The following PCDHGB1 variants were observed in gnomAD, a reference collection of about 807,000 sequenced individuals.
PCDHGB1 encodes protocadherin gamma subfamily B, 1, also known as protocadherin gamma-B1.
Under a neutral mutation model 56.6 loss-of-function variants are expected in PCDHGB1, and 34 were observed. The ratio of observed to expected loss-of-function variants is 0.60; its 90% confidence interval spans 0.46 to 0.80. PCDHGB1 has a LOEUF of 0.80. Ranked by LOEUF, PCDHGB1 falls within the 30% of genes least tolerant of loss-of-function variation. PCDHGB1 has a pLI of 0.00. For synonymous variants in PCDHGB1, 561 were observed against 505.9 expected (o/e 1.11, Z -1.46); for missense variants, 1,278 against 1,204.6 (o/e 1.06, Z -0.90).
intron 1 of PCDHGB1, chr5:141,471,417 T>A (rs1174855045): frequency 6.6e-6 from 1 of 152,190 alleles, no homozygotes; most frequent in Non-Finnish European, 1.5e-5. Flanking sequence ...GTTATGTTTT[T>A]AGCAAGGAAA....
chr5:141,360,274 G>A, intron 1 of PCDHGB1: 1 of 1,613,924 alleles, frequency 6.2e-7, no homozygotes. Flanking sequence ...AAACTCGGTC[G>A]TAGGAAACCT....
In PCDHGB1 at chr5:141,433,040, A is replaced by ACGGACT. The variant is rs753119003; in HGVS notation, c.2410-61764_2410-61759dup. The ACGGACT allele has an allele frequency of 8.1e-6, 13 of 1,614,088 alleles. No homozygotes were observed. In the African/African-American group the frequency reaches 1.7e-4, roughly 22 times the overall value. On this transcript the variant is annotated intron_variant, in intron 1 of 3. Transcript: ENST00000523390. ...CTATTCCCACGAGGTTTCCCTCACC[A>ACGGACT]CGGACTCGCGGAAGAGTCACCTGAT...
rs191804700 is a variant in PCDHGB1, at chr5:141,351,569, C to G, written c.1309C>G (p.His437Asp). Residue 437 changes from histidine (H) to aspartate (D), a missense_variant, in exon 1 of 4, where the codon CAC (histidine) becomes GAC (aspartate). Physicochemically the swap from His to Asp is moderately conservative, Grantham distance 81 (BLOSUM62 -1). Transcript: ENST00000523390. ...TTCCTCCAGGACAAGCATCACCCTG[C>G]ACATCTCCGACATCAACGACAATGC... is the stretch of plus-strand genomic sequence containing the variant. ...ALSSRTSITL[H>D]ISDINDNAPV... 1 of 1,614,062 alleles carries G rather than the reference C, an allele frequency of 6.2e-7. No individual in the cohort carries two copies. Among genetic ancestry groups the G allele is most frequent in the Non-Finnish European group, 8.5e-7 (1 of 1,179,908 alleles).
At chr5:141,398,511 C>A in intron 1 of PCDHGB1, 1 of 1,595,066 alleles carries the variant, frequency 6.3e-7, no homozygotes, top group Non-Finnish European at 8.5e-7. Flanking sequence ...ACATTAATGA[C>A]CACACGCCAA....
intron 1 of PCDHGB1, chr5:141,375,722 T>G (rs1422655230): frequency 6.2e-7 from 1 of 1,614,260 alleles, no homozygotes; most frequent in South Asian, 1.1e-5. Context: ...CAGCAACGTG[T>G]CACTGAGCCT....
At chr5:141,403,674 T>C in intron 1 of PCDHGB1, 2 of 1,613,812 alleles carry the variant, frequency 1.2e-6, no homozygotes, top group South Asian at 2.2e-5. Flanking sequence ...AATGCCCCGG[T>C]TTTTGCTCAA....
intron 1 of PCDHGB1, chr5:141,389,997 A>G (rs1278035747): frequency 3.1e-6 from 5 of 1,613,844 alleles, no homozygotes; most frequent in South Asian, 2.2e-5. Flanking sequence ...CCTCGTGGCC[A>G]TGATTCTGGC....
Position 141,432,427 on chromosome 5 carries a change from C to T in PCDHGB1, c.2410-62380C>T, listed in dbSNP as rs775150918. 2.2e-5 allele frequency: 36 copies of T among 1,614,124 alleles called. No homozygotes were observed. The highest frequency in any genetic ancestry group is 3.1e-5 in the Non-Finnish European group (36 of 1,180,044). ...TGAGCCTGTTCGTGCTGGACCAGAA[C>T]GACAATGCGCCCGAGATCCTGTACC... On this transcript the variant is annotated intron_variant, in intron 1 of 3. Transcript: ENST00000523390. This position sits in a 1 kb window ranked among gnomAD's most constrained non-coding sequence, Gnocchi z 6.0.
At chr5:141,363,856 A>G (rs1763082637) in intron 1 of PCDHGB1, among the ~76,000 whole-genome samples, 2 of 152,230 alleles carry the variant, frequency 1.3e-5, no homozygotes, top group Admixed American at 6.5e-5. Context: ...TGGACTAAAT[A>G]TAGATAAGAG....
chr5:141,352,016 A>C lies in PCDHGB1; in HGVS notation c.1756A>C (p.Lys586Gln), dbSNP rs1588492116. Reference protein sequence around the residue: ...RAAEPGYLVTKVVAVDADSGH... With the variant: ...RAAEPGYLVTQVVAVDADSGH... ...CGCAGAGCCCGGCTACCTGGTGACC[A>C]AGGTGGTGGCGGTGGACGCAGACTC... The change falls in exon 1 of 4, where the codon AAG (lysine) becomes CAG (glutamine). Residue 586 changes from lysine to glutamine, a missense_variant. Coordinates refer to ENST00000523390, the MANE Select transcript of PCDHGB1 (RefSeq NM_018922.3). 1.9e-6 allele frequency: 3 copies of C among 1,609,870 alleles called. No individual in the cohort carries two copies. Among genetic ancestry groups the C allele is most frequent in the Non-Finnish European group, 2.5e-6 (3 of 1,179,152 alleles).
rs753030509 is a variant in PCDHGB1, at chr5:141,431,672, G to A, written c.2410-63135G>A. On this transcript the variant is annotated intron_variant, in intron 1 of 3. Transcript: ENST00000523390. The surrounding 1 kb of genome is among the most constrained non-coding windows in gnomAD (Gnocchi z 4.8). ...TAATTCAGGGACAATATCAACAATA[G>A]GGGAGTTGGACCACGAGGAGTCAGG... The A allele has an allele frequency of 9.3e-6, 15 of 1,614,110 alleles. No homozygotes were observed. Among genetic ancestry groups the A allele is most frequent in the African/African-American group, 4.0e-5 (3 of 74,948 alleles).
At chr5:141,365,529 A>C (rs376283711) in intron 1 of PCDHGB1, 2 of 1,613,724 alleles carry the variant, frequency 1.2e-6, no homozygotes, top group Non-Finnish European at 1.7e-6. Context: ...TCAGTTGATA[A>C]TTACTATCAC....
At chr5:141,360,636 A>G (rs550512719) in intron 1 of PCDHGB1, 9 of 1,614,030 alleles carry the variant, frequency 5.6e-6, no homozygotes, top group Admixed American at 5.0e-5. Context: ...CTAACTCACT[A>G]CAAAGATACC....
intron 1 of PCDHGB1, chr5:141,356,801 C>A (rs369350823): frequency 6.2e-7 from 1 of 1,614,040 alleles, no homozygotes; most frequent in Non-Finnish European, 8.5e-7. Flanking sequence ...CTGATGACAG[C>A]CAGTGACAGT....
At chr5:141,360,789 A>T (rs780273649) in intron 1 of PCDHGB1, 15 of 1,613,940 alleles carry the variant, frequency 9.3e-6, no homozygotes, top group Non-Finnish European at 1.2e-5. Context: ...TGGATGGCGG[A>T]GACCCACCTC....
chr5:141,392,096 A>G (rs2092464422), intron 1 of PCDHGB1: 1 of 152,256 alleles, frequency 6.6e-6, no homozygotes, highest in Non-Finnish European at 1.5e-5. Context: ...AGAATAATTT[A>G]AAAGCAACAA....
intron 1 of PCDHGB1, chr5:141,354,990 CA>C (rs774913677): frequency 8.8e-5 from 56 of 635,190 alleles, no homozygotes; most frequent in Middle Eastern, 4.5e-4. Flanking sequence ...GTTCACCAAT[CA>C]GGGGGAAAAG....
chr5:141,353,956 G>A (rs1469286537), intron 1 of PCDHGB1, among the ~76,000 whole-genome samples: 1 of 152,184 alleles, frequency 6.6e-6, no homozygotes, highest in African/African-American at 2.4e-5. Context: ...TGAGGAATAA[G>A]CTTAAGAACT....
chr5:141,395,646 C>T (rs1174950813), intron 1 of PCDHGB1: 2 of 167,832 alleles, frequency 1.2e-5, no homozygotes, highest in Non-Finnish European at 2.5e-5. Flanking sequence ...TTGTTATTAG[C>T]TTAGCAAAAG....
Sources: gnomAD v4.1 joint callset for allele counts (sites outside exome capture counted in the v4.1 genomes callset) on GRCh38, gnomAD v4.1.1 for gene constraint, Gnocchi (gnomAD v3.1) non-coding constraint, MANE v1.5 for transcripts, NCBI Gene and HGNC (gene_info 2026-07-23, HGNC 2026-07-21) for gene names.